The following BSX variants were observed in gnomAD, a reference collection of about 807,000 sequenced individuals.
BSX encodes brain specific homeobox.
BSX carries 12 observed loss-of-function variants against 16.9 expected under a neutral mutation model. The ratio of observed to expected loss-of-function variants is 0.71; its 90% CI spans 0.46 to 1.15. The LOEUF (loss-of-function observed/expected upper bound fraction) is 1.15, where lower values mean the gene tolerates loss of function less well. Ranked by LOEUF, BSX falls within the 50% of genes most tolerant of loss-of-function variation. The pLI is 0.00. For missense variants in BSX, 292 were observed against 311.8 expected, an observed-to-expected ratio of 0.94 and a Z score of 0.48; for synonymous variants, 160 against 136.4, an observed-to-expected ratio of 1.17 and a Z score of -1.20.
In BSX at chr11:122,977,787, G is replaced by C. The variant is rs759077853; in HGVS notation, c.564C>G (p.Ser188Arg). The change falls in exon 3 of 3, where the codon AGC becomes AGG. Residue 188 changes from serine (S) to arginine (R), a missense_variant. Physicochemically the swap from Ser to Arg is moderately radical, Grantham distance 110. Coordinates refer to ENST00000343035, the MANE Select transcript of BSX (RefSeq NM_001098169.2). This position sits in a 1 kb window ranked among gnomAD's most constrained non-coding sequence, Gnocchi z 4.5. Reference protein sequence around the residue: ...APDGPESPEGSPRGSEAATAA... With the variant: ...APDGPESPEGRPRGSEAATAA... ...CGGTGGCGGCCTCTGAACCGCGGGGGCTGCCCTCGGGGCTTTCTGGCCCGT... is the reference window on the plus strand; with the variant it reads ...CGGTGGCGGCCTCTGAACCGCGGGGCCTGCCCTCGGGGCTTTCTGGCCCGT... 2 of 1,613,710 alleles carry C rather than the reference G, an allele frequency of 1.2e-6. No homozygotes were observed. Among genetic ancestry groups the C allele is most frequent in the Non-Finnish European group, 1.7e-6 (2 of 1,179,762 alleles).
At position 122,977,937 on chromosome 11, in the gene BSX, C is replaced by T. The variant is rs749156935; in HGVS notation, c.460-46G>A. On this transcript the variant is annotated intron_variant, in intron 2 of 2. Coordinates refer to ENST00000343035, the MANE Select transcript of BSX (RefSeq NM_001098169.2). The surrounding 1 kb of genome is among the most constrained non-coding windows in gnomAD (Gnocchi z 4.5). Reference sequence around the variant, plus strand: ...ATAAAATCATGTCATTCCTCCAAATCTGAGCCATCGCTGGGGTTTAGGAAA... The same window carrying T: ...ATAAAATCATGTCATTCCTCCAAATTTGAGCCATCGCTGGGGTTTAGGAAA... 5.0e-6 allele frequency: 8 copies of T among 1,607,050 alleles called. No homozygotes were observed. In the Admixed American group the frequency reaches 1.0e-4, roughly 20 times the overall value.
At chr11:122,978,677 T>C (rs1364767792) in intron 2 of BSX, among the ~76,000 whole-genome samples, 1 of 151,700 alleles carries the variant, frequency 6.6e-6, no homozygotes, top group Non-Finnish European at 1.5e-5. Flanking sequence ...CTGGAGGTGG[T>C]CGTCAGAATT....
At chr11:122,979,526 C>T (rs1348424025) in intron 1 of BSX, 69 bp from the exon 2 acceptor site, 41 of 1,397,504 alleles carry the variant, frequency 2.9e-5, no homozygotes, top group Non-Finnish European at 3.9e-5. Context: ...CTCCGCTCCC[C>T]TCCCCTCCCC....
rs777943572 is a variant in BSX, at chr11:122,977,730, A to G, written c.621T>C (p.Gly207=). 1.9e-6 allele frequency: 3 copies of G among 1,608,492 alleles called. No homozygotes were observed. The South Asian group carries it at 3.3e-5, about 18-fold the overall frequency. The change falls in exon 3 of 3, where the codon GGT becomes GGC. Residue 207 remains glycine (G), a synonymous_variant. Transcript: ENST00000343035. This position sits in a 1 kb window ranked among gnomAD's most constrained non-coding sequence, Gnocchi z 4.5. ...CCTCTGGCTCGGTCAGCACGAAGGG[A>G]CCGGCGGGCAGGCTCAGCCGAGCCT... ...AAEARLSLPA[G]PFVLTEPEDE...
chr11:122,979,493 G>A, intron 1 of BSX, 36 bp from the exon 2 acceptor site: 2 of 1,571,046 alleles, frequency 1.3e-6, no homozygotes, highest in Non-Finnish European at 1.7e-6. Context: ...GGCAGAGCGT[G>A]GGTCGCCGGA....
In BSX at chr11:122,977,656, A is replaced by T; in HGVS notation, c.695T>A (p.Val232Glu). 6.2e-7 allele frequency: 1 copy of T among 1,608,524 alleles called. No individual in the cohort carries two copies. Among genetic ancestry groups the T allele is most frequent in the Non-Finnish European group, 8.5e-7 (1 of 1,179,746 alleles). Reference protein sequence around the residue: ...DEGELGSGPHVL With the variant: ...DEGELGSGPHEL ...CCTCCCCAGCCTGGCGGCTCAGAGC[A>T]CGTGCGGCCCTGAGCCCAGCTCCCC... Residue 232 changes from valine (V) to glutamate (E), a missense_variant, in exon 3 of 3, where the codon GTG (valine) becomes GAG (glutamate). Around this residue, in one of 3 missense-constraint regions of BSX, gnomAD observed 107 missense variants for 97.1 expected, o/e 1.10. Transcript: ENST00000343035. The surrounding 1 kb of genome is among the most constrained non-coding windows in gnomAD (Gnocchi z 4.5).
Position 122,981,372 on chromosome 11 carries a change from T to C in BSX, c.262+38A>G, listed in dbSNP as rs200602573. 1.1e-4 allele frequency: 163 copies of C among 1,472,972 alleles called. No individual in the cohort carries two copies. In the African/African-American group the frequency reaches 2.1e-3, roughly 19 times the overall value. The allele number at this position is 1,472,972 out of a possible 1,614,324, so 91.2% of individuals were successfully genotyped here. A position where few individuals can be genotyped will look rare whatever the true frequency, so the allele number is the denominator to read the frequency against. On this transcript the variant is annotated intron_variant, in intron 1 of 2. Transcript: ENST00000343035. Reference sequence around the variant, plus strand: ...TTAGGGTCTGTGCTAGAAGCCCTGCTCTCTCACTGCCCATACCTTGAGGTT... The same window carrying C: ...TTAGGGTCTGTGCTAGAAGCCCTGCCCTCTCACTGCCCATACCTTGAGGTT...
At position 122,977,899 on chromosome 11, in the gene BSX, C is replaced by T. The variant is rs757696897; in HGVS notation, c.460-8G>A. 6.2e-7 allele frequency: 1 copy of T among 1,612,998 alleles called. No homozygotes were observed. The highest frequency in any genetic ancestry group is 2.2e-5 in the East Asian group (1 of 44,882). On this transcript the variant is annotated splice_polypyrimidine_tract_variant and splice_region_variant and intron_variant, in intron 2 of 2. Transcript: ENST00000343035. This position sits in a 1 kb window ranked among gnomAD's most constrained non-coding sequence, Gnocchi z 4.5. ...CTGGAACCACGTTTTCACCTGATTT[C>T]GGGGAGATAAAAATAAAATCATGTC... is the stretch of plus-strand genomic sequence containing the variant.
intron 1 of BSX, among the ~76,000 whole-genome samples, chr11:122,979,743 T>C (rs1864546011): frequency 6.6e-6 from 1 of 151,942 alleles, no homozygotes; most frequent in African/African-American, 2.4e-5. Flanking sequence ...GGAAAATAGA[T>C]CCGGAGGCTG....
intron 1 of BSX, among the ~76,000 whole-genome samples, chr11:122,980,027 C>T (rs1435546577): frequency 1.3e-5 from 2 of 152,312 alleles, no homozygotes; most frequent in African/African-American, 2.4e-5. Flanking sequence ...GCAAAACTGC[C>T]TTATCCGGAG....
Position 122,977,992 on chromosome 11 carries a change from A to C in BSX, c.460-101T>G. 4 of 1,425,524 alleles carry C rather than the reference A, an allele frequency of 2.8e-6. No homozygotes were observed. The highest frequency in any genetic ancestry group is 3.9e-6 in the Non-Finnish European group (4 of 1,029,332). The allele number at this position is 1,425,524 out of a possible 1,614,324, so 88.3% of individuals were successfully genotyped here. On this transcript the variant is annotated intron_variant, in intron 2 of 2. Transcript: ENST00000343035. The surrounding 1 kb of genome is among the most constrained non-coding windows in gnomAD (Gnocchi z 4.5). ...GCTGCAGTCCGTTGATGAAGTATCC[A>C]AGAGCGGTGATAGCCTCAACTGCTC...
At chr11:122,978,875 G>C (rs1864532864) in intron 2 of BSX, among the ~76,000 whole-genome samples, 1 of 138,010 alleles carries the variant, frequency 7.2e-6, no homozygotes, top group Admixed American at 7.8e-5. Flanking sequence ...GCGCGATCTC[G>C]GCTCACTGCA....
chr11:122,978,014 G>A, intron 2 of BSX, 123 bp from the exon 3 acceptor site: 1 of 1,171,320 alleles, frequency 8.5e-7, no homozygotes, highest in Admixed American at 2.1e-5. Context: ...AGCCTCAACT[G>A]CTCATAAGTT....
Position 122,979,455 on chromosome 11 carries a change from T to C in BSX, c.265A>G (p.Met89Val), listed in dbSNP as rs531543505. 1.2e-6 allele frequency: 2 copies of C among 1,610,352 alleles called. No homozygotes were observed. Among genetic ancestry groups the C allele is most frequent in the East Asian group, 4.5e-5 (2 of 44,824 alleles). Reference sequence around the variant, plus strand: ...TGCGGGAACAGCGCTGGGACTGGCATCCCTGCAGAGAGAAGAGCAACCAAG... The same window carrying C: ...TGCGGGAACAGCGCTGGGACTGGCACCCCTGCAGAGAGAAGAGCAACCAAG... ...HHPYFLTTSG[M>V]PVPALFPHPQ... The change falls in exon 2 of 3, where the codon ATG (methionine) becomes GTG (valine). Residue 89 changes from methionine to valine, a missense_variant and splice_region_variant. By Grantham distance (21) the Met-to-Val change is conservative (BLOSUM62 1). Coordinates refer to ENST00000343035, the MANE Select transcript of BSX (RefSeq NM_001098169.2).
In BSX at chr11:122,980,527, G is replaced by A. The variant is rs1464975334; in HGVS notation, c.262+883C>T. ...CTGTCTTGCCCCCAGCCCCTCCACC[G>A]ACCATGGTTGTTGCCGCCTCTGAGC... On this transcript the variant is annotated intron_variant, in intron 1 of 2. Transcript: ENST00000343035. Among the ~76,000 whole-genome samples the A allele has an allele frequency of 2.6e-5, 4 of 152,156 alleles. No homozygotes were observed. The East Asian group carries it at 7.8e-4, about 29-fold the overall frequency.
chr11:122,981,683 C>A lies in BSX; in HGVS notation c.-12G>T. The A allele has an allele frequency of 6.4e-7, 1 of 1,557,058 alleles. No homozygotes were observed. Among genetic ancestry groups the A allele is most frequent in the Non-Finnish European group, 8.7e-7 (1 of 1,154,302 alleles). On this transcript the variant is annotated 5_prime_UTR_variant, in exon 1 of 3. Coordinates refer to ENST00000343035, the MANE Select transcript of BSX (RefSeq NM_001098169.2). ...AAGTTGAGATTCATCTTGAGCGGAGCACCTGCCACAGGACAAGGGCCGGGA... is the reference window on the plus strand; with the variant it reads ...AAGTTGAGATTCATCTTGAGCGGAGAACCTGCCACAGGACAAGGGCCGGGA...
At chr11:122,979,572 T>A (rs1445277577) in intron 1 of BSX, 115 bp from the exon 2 acceptor site, 1 of 802,528 alleles carries the variant, frequency 1.2e-6, no homozygotes, top group African/African-American at 1.8e-5. Flanking sequence ...CTCGCCTCCG[T>A]CAGTCTGCTC....
Position 122,977,988 on chromosome 11 carries a change from A to C in BSX, c.460-97T>G. On this transcript the variant is annotated intron_variant, in intron 2 of 2. Coordinates refer to ENST00000343035, the MANE Select transcript of BSX (RefSeq NM_001098169.2). The surrounding 1 kb of genome is among the most constrained non-coding windows in gnomAD (Gnocchi z 4.5). ...ATGGGCTGCAGTCCGTTGATGAAGT[A>C]TCCAAGAGCGGTGATAGCCTCAACT... 3 of 1,469,286 alleles carry C rather than the reference A, an allele frequency of 2.0e-6. No homozygotes were observed. The highest frequency in any genetic ancestry group is 4.5e-5 in the East Asian group (2 of 44,288). The allele number at this position is 1,469,286 out of a possible 1,614,324, so 91.0% of individuals were successfully genotyped here.
chr11:122,981,379 C>A (rs1449274647), intron 1 of BSX, 31 bp downstream of exon 1: 2 of 1,482,384 alleles, frequency 1.3e-6, no homozygotes, highest in Non-Finnish European at 1.8e-6. Context: ...TGCTCTCTCA[C>A]TGCCCATACC....
Sources: gnomAD v4.1 joint callset for allele counts (sites outside exome capture counted in the v4.1 genomes callset) on GRCh38, gnomAD v4.1.1 for gene constraint, gnomAD v4.1.1 regional missense constraint, Gnocchi (gnomAD v3.1) non-coding constraint, MANE v1.5 for transcripts, NCBI Gene and HGNC (gene_info 2026-07-23, HGNC 2026-07-21) for gene names.